The following NECAB1 variants were observed in gnomAD, a reference collection of about 807,000 sequenced individuals.
The protein encoded by NECAB1 is N-terminal EF-hand calcium-binding protein 1.
In NECAB1, 29 loss-of-function variants were observed where a neutral mutation model predicts 57.5. The ratio of observed to expected loss-of-function variants is 0.50; its 90% CI spans 0.38 to 0.69. The LOEUF (loss-of-function observed/expected upper bound fraction) is 0.69, where lower values mean the gene tolerates loss of function less well. Among genes scored for constraint, NECAB1 ranks in the 30% least tolerant of loss-of-function variants. The probability of loss-of-function intolerance (pLI) is 0.00; values close to 1 mark genes in which losing one functional copy is unlikely to be tolerated. For missense variants in NECAB1, 372 were observed against 413.8 expected, an observed-to-expected ratio of 0.90 and a Z score of 0.88; for synonymous variants, 142 against 147.7, an observed-to-expected ratio of 0.96 and a Z score of 0.28.
At chr8:90,892,299 T>C (rs1236316877) in intron 5 of NECAB1, among the ~76,000 whole-genome samples, 2 of 152,172 alleles carry the variant, frequency 1.3e-5, no homozygotes, top group Non-Finnish European at 2.9e-5. Context: ...AAATGTCCCT[T>C]GATTTTCTTC....
At chr8:90,953,362 T>C (rs1413772708) in intron 12 of NECAB1, among the ~76,000 whole-genome samples, 1 of 152,238 alleles carries the variant, frequency 6.6e-6, no homozygotes, top group Non-Finnish European at 1.5e-5. Context: ...TTACTCTTTC[T>C]CTCTCAGAGC....
chr8:90,888,617 T>C (rs943164221), intron 5 of NECAB1, among the ~76,000 whole-genome samples: 6 of 152,228 alleles, frequency 3.9e-5, no homozygotes, highest in African/African-American at 1.2e-4. Context: ...AAATACTAAA[T>C]ATTGCAAACC....
At chr8:90,858,612 T>A in intron 3 of NECAB1, among the ~76,000 whole-genome samples, 1 of 148,934 alleles carries the variant, frequency 6.7e-6, no homozygotes, top group Non-Finnish European at 1.5e-5. Context: ...AAAAAAAAAT[T>A]CACAATTTGA....
intron 2 of NECAB1, among the ~76,000 whole-genome samples, chr8:90,802,203 T>C (rs2130644712): frequency 6.6e-6 from 1 of 152,368 alleles, no homozygotes; most frequent in East Asian, 1.9e-4. Context: ...CCTGGAAACC[T>C]GCATTGCTAG....
At chr8:90,883,945 C>T (rs897479807) in intron 5 of NECAB1, among the ~76,000 whole-genome samples, 2 of 152,164 alleles carry the variant, frequency 1.3e-5, no homozygotes, top group African/African-American at 4.8e-5. Flanking sequence ...AATTCTGATG[C>T]TACGGCTGAA....
At chr8:90,797,385 T>C (rs569784112) in intron 1 of NECAB1, among the ~76,000 whole-genome samples, 2 of 152,358 alleles carry the variant, frequency 1.3e-5, no homozygotes, top group East Asian at 3.9e-4. Flanking sequence ...TGATTAGATT[T>C]ATCTATACCT....
In NECAB1 at chr8:90,795,460, C is replaced by T. The variant is rs190419606; in HGVS notation, c.99+3475C>T. 3.9e-5 allele frequency among the ~76,000 whole-genome samples: 6 copies of T among 152,220 alleles called. No homozygotes were observed. In the East Asian group the frequency reaches 5.8e-4, roughly 15 times the overall value. Reference sequence around the variant, plus strand: ...ACTGCTTGTCTTCCCTTCCTTCCTTCGTCTAAGCATGCACACTCATGTACA... The same window carrying T: ...ACTGCTTGTCTTCCCTTCCTTCCTTTGTCTAAGCATGCACACTCATGTACA... On this transcript the variant is annotated intron_variant, in intron 1 of 12. Transcript: ENST00000417640.
At chr8:90,865,192 G>A (rs2129823610) in intron 3 of NECAB1, among the ~76,000 whole-genome samples, 1 of 152,190 alleles carries the variant, frequency 6.6e-6, no homozygotes, top group Non-Finnish European at 1.5e-5. Flanking sequence ...GGGAAGAAGT[G>A]CTCATCCCCA....
At chr8:90,939,364 A>G (rs932537768) in intron 9 of NECAB1, among the ~76,000 whole-genome samples, 6 of 152,200 alleles carry the variant, frequency 3.9e-5, no homozygotes, top group African/African-American at 1.4e-4. Flanking sequence ...GCAGGTTAGA[A>G]AGCCAAACCA....
chr8:90,795,159 T>G (rs1423217364), intron 1 of NECAB1, among the ~76,000 whole-genome samples: 2 of 152,234 alleles, frequency 1.3e-5, no homozygotes, highest in African/African-American at 4.8e-5. Flanking sequence ...GAACTCTAGT[T>G]TGGAATACTA....
intron 3 of NECAB1, among the ~76,000 whole-genome samples, chr8:90,852,599 G>A (rs903496453): frequency 2.6e-5 from 4 of 152,126 alleles, no homozygotes; most frequent in African/African-American, 9.7e-5. Flanking sequence ...TCCATCCTCT[G>A]CCTGTAAAGA....
intron 5 of NECAB1, among the ~76,000 whole-genome samples, chr8:90,911,370 G>C (rs1809825855): frequency 6.6e-6 from 1 of 152,042 alleles, no homozygotes; most frequent in South Asian, 2.1e-4. Context: ...AGGAGAGAGA[G>C]GGGAATGCAA....
intron 2 of NECAB1, among the ~76,000 whole-genome samples, chr8:90,823,200 GGGT>G (rs1563497148): frequency 0.012 from 1,770 of 151,752 alleles, 13 homozygotes; most frequent in Middle Eastern, 0.034. Context: ...CCAGAAGATC[GGGT>G]CCCTAGATCT....
chr8:90,860,692 A>G (rs1812885465), intron 3 of NECAB1, among the ~76,000 whole-genome samples: 1 of 152,170 alleles, frequency 6.6e-6, no homozygotes, highest in Admixed American at 6.5e-5. Flanking sequence ...GAAAAGGCTA[A>G]GAATTACTGC....
chr8:90,941,674 C>T (rs957244487), intron 10 of NECAB1, among the ~76,000 whole-genome samples: 2 of 152,194 alleles, frequency 1.3e-5, no homozygotes, highest in Admixed American at 1.3e-4. Context: ...CATATCACTA[C>T]TATTATTTGT....
At chr8:90,946,011 A>G (rs79528762) in intron 10 of NECAB1, among the ~76,000 whole-genome samples, 104 of 152,378 alleles carry the variant, frequency 6.8e-4, no homozygotes, top group Non-Finnish European at 9.4e-4. Context: ...CTAATCATTC[A>G]AGCCCTAAGC....
chr8:90,917,638 A>G lies in NECAB1; in HGVS notation c.494+10A>G, dbSNP rs770688429. ...AAACCCGTCAAGAAAGGCAATTTAC[A>G]TGTTTTCATCTGATGTCTATTTAGT... On this transcript the variant is annotated intron_variant, in intron 6 of 12. Coordinates refer to ENST00000417640, the MANE Select transcript of NECAB1 (RefSeq NM_022351.5). The G allele has an allele frequency of 3.1e-6, 5 of 1,603,984 alleles. No individual in the cohort carries two copies. The highest frequency in any genetic ancestry group is 2.2e-5 in the East Asian group (1 of 44,720).
chr8:90,821,581 C>T (rs1048273229), intron 2 of NECAB1, among the ~76,000 whole-genome samples: 1 of 151,746 alleles, frequency 6.6e-6, no homozygotes, highest in Non-Finnish European at 1.5e-5. Context: ...CTTTAAAGAT[C>T]TTCCTTCACT....
At chr8:90,812,809 A>T (rs976756225) in intron 2 of NECAB1, 2 of 152,196 alleles carry the variant, frequency 1.3e-5, no homozygotes, top group Non-Finnish European at 2.9e-5. Context: ...AAAGACAAAT[A>T]AGAAGATGAA....
Sources: allele counts gnomAD v4.1 joint callset (sites outside exome capture counted in the v4.1 genomes callset), GRCh38; gene constraint gnomAD v4.1.1; transcripts MANE v1.5; gene names NCBI Gene and HGNC (gene_info 2026-07-23, HGNC 2026-07-21).